Variants in MOB3A observed in about 807,000 individuals in gnomAD.
MOB3A encodes MOB LAK.
Under a neutral mutation model 17.8 loss-of-function variants are expected in MOB3A, and 17 were observed. The observed-to-expected ratio is 0.95, with a 90% confidence interval of 0.65 to 1.43. The LOEUF is 1.43. MOB3A is among the 40% of genes most tolerant of loss of function. The pLI, the probability that MOB3A is intolerant of heterozygous loss-of-function variation, is 0.00. For missense variants in MOB3A, 333 were observed against 310.8 expected, an observed-to-expected ratio of 1.07 and a Z score of -0.54; for synonymous variants, 124 against 133.2, an observed-to-expected ratio of 0.93 and a Z score of 0.48.
chr19:2,081,857 C>T (rs2017494384), intron 2 of MOB3A, among the ~76,000 whole-genome samples: 2 of 152,222 alleles, frequency 1.3e-5, no homozygotes, highest in South Asian at 4.1e-4. Flanking sequence ...GTACTCCAGC[C>T]TGGGTGAGAG....
chr19:2,091,614 C>T lies in MOB3A; in HGVS notation c.-274+4612G>A, dbSNP rs373361420. 5.1e-3 allele frequency among the ~76,000 whole-genome samples: 768 copies of T among 151,728 alleles called. 4 individuals are homozygous for T. Among genetic ancestry groups the T allele is most frequent in the Non-Finnish European group, 7.7e-3 (521 of 67,884 alleles). On this transcript the variant is annotated intron_variant, in intron 1 of 4. Transcript: ENST00000357066. ...GGCCAGGCTGGTCTCAAACTCCTGA[C>T]CTCAAGTGATCCACCCACCTCGGCC...
At chr19:2,088,714 C>A (rs1424956564) in intron 1 of MOB3A, among the ~76,000 whole-genome samples, 1 of 152,080 alleles carries the variant, frequency 6.6e-6, no homozygotes, top group Non-Finnish European at 1.5e-5. Flanking sequence ...ATGATCCGCC[C>A]GCCTCGACCT....
At position 2,087,477 on chromosome 19, in the gene MOB3A, A is replaced by G. The variant is rs936704669; in HGVS notation, c.-273-2149T>C. ...AGACCAGCCTGGGCAACATAGTGAG[A>G]CCCATCTCTGTACGAAATAGTTAAG... is the stretch of plus-strand genomic sequence containing the variant. On this transcript the variant is annotated intron_variant, in intron 1 of 4. Transcript: ENST00000357066. 2.0e-5 allele frequency among the ~76,000 whole-genome samples: 3 copies of G among 152,284 alleles called. No homozygotes were observed. The South Asian group carries it at 6.2e-4, about 32-fold the overall frequency.
chr19:2,089,557 A>G (rs1311510613), intron 1 of MOB3A, among the ~76,000 whole-genome samples: 10 of 148,216 alleles, frequency 6.7e-5, no homozygotes, highest in African/African-American at 1.2e-4. Flanking sequence ...ATTACCCTCA[A>G]TTGACACCTC....
At chr19:2,084,882 C>A (rs539758188) in intron 2 of MOB3A, among the ~76,000 whole-genome samples, 5 of 151,704 alleles carry the variant, frequency 3.3e-5, no homozygotes, top group Non-Finnish European at 5.9e-5. Context: ...AGCCACCGTG[C>A]CCGGCCTAGT....
intron 3 of MOB3A, among the ~76,000 whole-genome samples, chr19:2,077,714 C>T (rs910674471): frequency 6.6e-6 from 1 of 151,978 alleles, no homozygotes; most frequent in African/African-American, 2.4e-5. Context: ...AGACAGGAGT[C>T]ACCAGGAGTG....
chr19:2,083,127 G>A (rs1473000172), intron 2 of MOB3A, among the ~76,000 whole-genome samples: 3 of 152,232 alleles, frequency 2.0e-5, no homozygotes, highest in South Asian at 2.1e-4. Context: ...GATCACTGGC[G>A]TGAGCCACTG....
chr19:2,087,222 G>C (rs1297191484), intron 1 of MOB3A, among the ~76,000 whole-genome samples: 1 of 152,230 alleles, frequency 6.6e-6, no homozygotes, highest in Non-Finnish European at 1.5e-5. Context: ...TCTGTTTTTA[G>C]ATTGACATAT....
rs62128372 is a variant in MOB3A, at chr19:2,088,568, A to G, written c.-273-3240T>C. Among the ~76,000 whole-genome samples the G allele has an allele frequency of 4.3e-3, 660 of 152,212 alleles. 3 individuals are homozygous for G. Among genetic ancestry groups the G allele is most frequent in the Non-Finnish European group, 7.6e-3 (515 of 68,006 alleles). On this transcript the variant is annotated intron_variant, in intron 1 of 4. Transcript: ENST00000357066. ...CTGCAACCTCCGCCTCACGGGTTCA[A>G]GGATTCTTCTGCCTCAGCCTCCTGA... is the stretch of plus-strand genomic sequence containing the variant.
At position 2,073,354 on chromosome 19, in the gene MOB3A, G is replaced by A; in HGVS notation, c.*41C>T. ...GAGCGTCCTCCTCCAAGTCTCCGAG[G>A]CCCCAGCGGCGGTTCGGGCACCGGG... On this transcript the variant is annotated 3_prime_UTR_variant, in exon 5 of 5. Coordinates refer to ENST00000357066, the MANE Select transcript of MOB3A (RefSeq NM_130807.3). 6.2e-7 allele frequency: 1 copy of A among 1,611,308 alleles called. No individual in the cohort carries two copies. Among genetic ancestry groups the A allele is most frequent in the Non-Finnish European group, 8.5e-7 (1 of 1,179,064 alleles).
In MOB3A at chr19:2,082,097, C is replaced by A. The variant is rs2017497194; in HGVS notation, c.-120+3078G>T. Reference sequence around the variant, plus strand: ...ACCAGAAAGGCCTGAACTTCCCCAGCCCATCCTGGGGCCCTTAGCCACCAT... The same window carrying A: ...ACCAGAAAGGCCTGAACTTCCCCAGACCATCCTGGGGCCCTTAGCCACCAT... On this transcript the variant is annotated intron_variant, in intron 2 of 4. Transcript: ENST00000357066. The surrounding 1 kb of genome is among the most constrained non-coding windows in gnomAD (Gnocchi z 4.1). 6.6e-6 allele frequency among the ~76,000 whole-genome samples: 1 copy of A among 152,122 alleles called. No individual in the cohort carries two copies. The highest frequency in any genetic ancestry group is 1.5e-5 in the Non-Finnish European group (1 of 68,040).
chr19:2,091,770 A>G (rs1470754413), intron 1 of MOB3A, among the ~76,000 whole-genome samples: 1 of 151,186 alleles, frequency 6.6e-6, no homozygotes, highest in Non-Finnish European at 1.5e-5. Flanking sequence ...AGGCCAAGGC[A>G]GGTGGATCAC....
chr19:2,088,283 G>A (rs1005542836), intron 1 of MOB3A, among the ~76,000 whole-genome samples: 3 of 152,092 alleles, frequency 2.0e-5, no homozygotes, highest in Non-Finnish European at 2.9e-5. Flanking sequence ...TGGCAAGGCC[G>A]GGGATCTAAC....
intron 1 of MOB3A, among the ~76,000 whole-genome samples, chr19:2,091,579 C>T (rs1405287631): frequency 6.6e-6 from 1 of 151,442 alleles, no homozygotes; most frequent in Non-Finnish European, 1.5e-5. Context: ...AGACGGGGTT[C>T]CACCATGTTG....
chr19:2,078,506 T>G lies in MOB3A; in HGVS notation c.55A>C (p.Lys19Gln). The G allele has an allele frequency of 6.2e-7, 1 of 1,604,342 alleles. No individual in the cohort carries two copies. The highest frequency in any genetic ancestry group is 8.5e-7 in the Non-Finnish European group (1 of 1,173,370). ...TGGGTGCCTGGCTCAAACTTGCGCTTGGGGCGGAATGTCTTGTCCTTGTTG... is the reference window on the plus strand; with the variant it reads ...TGGGTGCCTGGCTCAAACTTGCGCTGGGGGCGGAATGTCTTGTCCTTGTTG... ...VFNKDKTFRPKRKFEPGTQRF... is the reference protein window; with the variant it reads ...VFNKDKTFRPQRKFEPGTQRF... Residue 19 changes from lysine (K) to glutamine (Q), a missense_variant, in exon 3 of 5, where the codon AAG becomes CAG. Coordinates refer to ENST00000357066, the MANE Select transcript of MOB3A (RefSeq NM_130807.3).
chr19:2,077,046 C>G, intron 3 of MOB3A, 33 bp from the exon 4 acceptor site: 1 of 1,583,474 alleles, frequency 6.3e-7, no homozygotes, highest in Non-Finnish European at 8.6e-7. Context: ...GGTCCACGGA[C>G]TCAGCCAAGT....
chr19:2,087,263 A>T (rs2017564304), intron 1 of MOB3A, among the ~76,000 whole-genome samples: 1 of 152,190 alleles, frequency 6.6e-6, no homozygotes, highest in African/African-American at 2.4e-5. Flanking sequence ...TAACCTTTTC[A>T]GTTACAGTTC....
chr19:2,087,889 GCAC>G (rs1051673470), intron 1 of MOB3A, among the ~76,000 whole-genome samples: 2 of 152,186 alleles, frequency 1.3e-5, no homozygotes, highest in African/African-American at 4.8e-5. Flanking sequence ...GCTTGACTGG[GCAC>G]CACCGACTTG....
chr19:2,074,263 C>A (rs112112406), intron 4 of MOB3A, among the ~76,000 whole-genome samples: 21 of 150,422 alleles, frequency 1.4e-4, no homozygotes, highest in African/African-American at 4.7e-4. Context: ...AACAAACAAA[C>A]AAAAAAACCC....
Sources: gnomAD v4.1 joint callset for allele counts (sites outside exome capture counted in the v4.1 genomes callset) on GRCh38, gnomAD v4.1.1 for gene constraint, Gnocchi (gnomAD v3.1) non-coding constraint, MANE v1.5 for transcripts, NCBI Gene and HGNC (gene_info 2026-07-23, HGNC 2026-07-21) for gene names.